ANK2: variants seen among roughly 807,000 people sequenced by gnomAD.
ANK2 encodes ankyrin 2, also known as ankyrin-2.
In ANK2, 83 loss-of-function variants were observed where a neutral mutation model predicts 360.5. That is an observed-to-expected ratio of 0.23 (90% CI 0.19 to 0.28). The LOEUF (loss-of-function observed/expected upper bound fraction) is 0.28. Ranked by LOEUF, ANK2 falls within the 10% of genes least tolerant of loss-of-function variation. ANK2 has a pLI of 1.00. For missense variants in ANK2, 4,201 were observed against 4,795.7 expected (o/e 0.88, Z 3.66); for synonymous variants, 1,740 against 1,759.5 (o/e 0.99, Z 0.28).
intron 24 of ANK2, among the ~76,000 whole-genome samples, chr4:113,314,045 G>A (rs551475401): frequency 1.3e-5 from 2 of 152,202 alleles, no homozygotes; most frequent in African/African-American, 4.8e-5. Flanking sequence ...TGTGTAGTTG[G>A]AGAAGATAGA....
chr4:113,051,879 T>C (rs1040000074), intron 1 of ANK2, among the ~76,000 whole-genome samples: 2 of 152,146 alleles, frequency 1.3e-5, no homozygotes, highest in Non-Finnish European at 1.5e-5. Context: ...TTAAAACATA[T>C]AGTCAATGGC....
chr4:112,727,003 T>C, the ANK2 span, among the ~76,000 whole-genome samples: 1 of 152,020 alleles, frequency 6.6e-6, no homozygotes, highest in Non-Finnish European at 1.5e-5. Flanking sequence ...TATCCATAGC[T>C]TACTATGAAC....
At chr4:112,876,084 T>G (rs919933513) in intron 1 of ANK2, among the ~76,000 whole-genome samples, 3 of 152,022 alleles carry the variant, frequency 2.0e-5, no homozygotes, top group African/African-American at 7.2e-5. Flanking sequence ...CAATAGAACA[T>G]TCAATGTCTT....
chr4:113,174,555 A>G, intron 2 of ANK2, 38 bp downstream of exon 2: 1 of 1,412,924 alleles, frequency 7.1e-7, no homozygotes, highest in Non-Finnish European at 1.0e-6. Flanking sequence ...TGTGCAACGA[A>G]GGAACACTCA....
chr4:112,927,695 A>C (rs1420985919), intron 2 of ANK2, among the ~76,000 whole-genome samples: 1 of 152,188 alleles, frequency 6.6e-6, no homozygotes, highest in African/African-American at 2.4e-5. Flanking sequence ...AGTCATTCTC[A>C]TGTCTTTTAC....
At chr4:112,787,097 C>A in the ANK2 span, among the ~76,000 whole-genome samples, 1 of 152,086 alleles carries the variant, frequency 6.6e-6, no homozygotes, top group East Asian at 1.9e-4. Context: ...ATATATCTTG[C>A]AAATTAATTT....
Position 112,850,250 on chromosome 4 carries a change from ATCTATCT to A in ANK2, c.-40+31987_-40+31993del, listed in dbSNP as rs1560780893. 2.7e-4 allele frequency among the ~76,000 whole-genome samples: 9 copies of A among 33,012 alleles called. No homozygotes were observed. In the South Asian group the frequency reaches 5.5e-3, roughly 20 times the overall value. The allele number at this position is 33,012 out of a possible 152,430, so 21.7% of individuals were successfully genotyped here. ...TGAACCAGTTTCCATAAGAAATTTCATCTATCTATCTATCTATCTATCTATCTATCTA... is the reference window on the plus strand; with the variant it reads ...TGAACCAGTTTCCATAAGAAATTTCAATCTATCTATCTATCTATCTATCTA... On this transcript the variant is annotated intron_variant, in intron 1 of 30. Transcript: ENST00000503271.
intron 1 of ANK2, among the ~76,000 whole-genome samples, chr4:112,885,496 CA>C (rs11429383): frequency 0.011 from 1,316 of 122,994 alleles, 14 homozygotes; most frequent in Middle Eastern, 0.026. Flanking sequence ...AAGACTCCAT[CA>C]AAAAAAAAAA....
intron 4 of ANK2, among the ~76,000 whole-genome samples, chr4:113,222,811 T>C (rs1386865779): frequency 6.6e-6 from 1 of 152,240 alleles, no homozygotes; most frequent in African/African-American, 2.4e-5. Flanking sequence ...AATCTTTTAA[T>C]CATCTTTGGA....
At chr4:112,808,962 G>A in the ANK2 span, among the ~76,000 whole-genome samples, 1 of 152,026 alleles carries the variant, frequency 6.6e-6, no homozygotes, top group Non-Finnish European at 1.5e-5. Flanking sequence ...GGATTCAAGT[G>A]ATTCTCCTGC....
Position 113,318,668 on chromosome 4 carries a change from G to A in ANK2, c.2900+48G>A, listed in dbSNP as rs200179346. The stretch of plus-strand genomic sequence containing the variant: ...TCCTGATCAAGAGGTAAAAAGAGAT[G>A]GGAGTGAAAACAACAGCTTTGTCCA... On this transcript the variant is annotated intron_variant, in intron 26 of 45. Coordinates refer to ENST00000357077, the MANE Select transcript of ANK2 (RefSeq NM_001148.6). 3.0e-5 allele frequency: 44 copies of A among 1,487,652 alleles called. No homozygotes were observed. The African/African-American group carries it at 4.3e-4, about 15-fold the overall frequency. The allele number at this position is 1,487,652 out of a possible 1,614,324, so 92.2% of individuals were successfully genotyped here. A position where few individuals can be genotyped will look rare whatever the true frequency, so the allele number is the denominator to read the frequency against.
chr4:112,712,441 T>C, the ANK2 span, among the ~76,000 whole-genome samples: 571 of 140,010 alleles, frequency 4.1e-3, 10 homozygotes, highest in African/African-American at 0.014. Flanking sequence ...GGAGTTTCGC[T>C]CTGTCGCCCA....
At chr4:113,206,258 G>C (rs1352839296) in intron 4 of ANK2, among the ~76,000 whole-genome samples, 1 of 152,016 alleles carries the variant, frequency 6.6e-6, no homozygotes, top group African/African-American at 2.4e-5. Context: ...CCTGCCCCCT[G>C]ACAGGCCCCA....
chr4:113,320,089 C>T (rs1018035207), intron 26 of ANK2, among the ~76,000 whole-genome samples: 1 of 152,112 alleles, frequency 6.6e-6, no homozygotes, highest in Non-Finnish European at 1.5e-5. Context: ...AAAAGAAGTT[C>T]TTTCATTACT....
intron 23 of ANK2, among the ~76,000 whole-genome samples, chr4:113,306,303 G>T (rs2077217065): frequency 6.6e-6 from 1 of 152,164 alleles, no homozygotes; most frequent in Admixed American, 6.5e-5. Context: ...AGGGCACATA[G>T]ATTTTAGGGA....
At chr4:113,336,091 G>A (rs1371527556) in intron 30 of ANK2, 34 bp downstream of exon 30, 1 of 1,594,712 alleles carries the variant, frequency 6.3e-7, no homozygotes, top group Admixed American at 1.7e-5. Flanking sequence ...GATCCTAACA[G>A]GATTGTATTC....
intron 1 of ANK2, among the ~76,000 whole-genome samples, chr4:112,885,413 C>A (rs913517754): frequency 1.3e-5 from 2 of 150,938 alleles, no homozygotes; most frequent in East Asian, 3.9e-4. Flanking sequence ...GCAGGAGAAT[C>A]GCTTGAACCC....
chr4:113,117,137 CG>C (rs2094883301), intron 1 of ANK2: 5 of 369,234 alleles, frequency 1.4e-5, no homozygotes, highest in Non-Finnish European at 2.1e-5. Context: ...TGACCTAGCT[CG>C]GGGGCGGAGT....
chr4:113,043,725 A>G (rs1026192665), intron 2 of ANK2, among the ~76,000 whole-genome samples: 1 of 152,212 alleles, frequency 6.6e-6, no homozygotes, highest in Non-Finnish European at 1.5e-5. Flanking sequence ...GTTTGTTTGT[A>G]AGACAGGCAG....
Sources: gnomAD v4.1 joint callset for allele counts (sites outside exome capture counted in the v4.1 genomes callset) on GRCh38, gnomAD v4.1.1 for gene constraint, MANE v1.5 for transcripts, NCBI Gene and HGNC (gene_info 2026-07-23, HGNC 2026-07-21) for gene names.